Variants in GALNT17 observed in about 807,000 individuals in gnomAD.
The protein encoded by GALNT17 is UDP-GalNAc:polypeptide N-acetylgalactosaminyltransferase-like 3.
GALNT17 carries 29 observed loss-of-function variants against 63.7 expected under a neutral mutation model. The ratio of observed to expected loss-of-function variants is 0.46; its 90% CI spans 0.34 to 0.62. The LOEUF is 0.62. Ranked by LOEUF, GALNT17 falls within the 20% of genes least tolerant of loss-of-function variation. The pLI, the probability that GALNT17 is intolerant of heterozygous loss-of-function variation, is 0.01. For missense variants in GALNT17, 603 were observed against 799.6 expected, an observed-to-expected ratio of 0.75 and a Z score of 2.97; for synonymous variants, 305 against 318.3, an observed-to-expected ratio of 0.96 and a Z score of 0.45.
chr7:71,276,951 T>C (rs1213020664), intron 1 of GALNT17, among the ~76,000 whole-genome samples: 5 of 152,082 alleles, frequency 3.3e-5, no homozygotes, highest in Non-Finnish European at 7.4e-5. Flanking sequence ...TGAGCCGAGA[T>C]TGTGCCACTG....
intron 1 of GALNT17, among the ~76,000 whole-genome samples, chr7:71,313,438 A>G (rs953486073): frequency 5.3e-5 from 8 of 152,224 alleles, no homozygotes; most frequent in African/African-American, 1.9e-4. Context: ...AGAGCCAATG[A>G]AAAAGAATAA....
At chr7:71,549,162 T>C (rs1003055426) in intron 5 of GALNT17, among the ~76,000 whole-genome samples, 1 of 152,160 alleles carries the variant, frequency 6.6e-6, no homozygotes, top group African/African-American at 2.4e-5. Context: ...GAGTCGCCAG[T>C]CTTTCTGGAT....
intron 1 of GALNT17, among the ~76,000 whole-genome samples, chr7:71,145,168 C>A (rs117653898): frequency 6.6e-6 from 1 of 152,168 alleles, no homozygotes; most frequent in Non-Finnish European, 1.5e-5. Flanking sequence ...GTTCTTCAGG[C>A]CAGCCGATGT....
chr7:71,395,266 A>G (rs6964977), intron 3 of GALNT17, among the ~76,000 whole-genome samples: 18,397 of 152,132 alleles, frequency 0.12, 2,508 homozygotes, highest in African/African-American at 0.34. Context: ...TTCCTTGCCA[A>G]ATATTAATGT....
rs781500232 is a variant in GALNT17 at position 71,132,920 on chromosome 7, C to T, written c.118C>T (p.His40Tyr). 8 of 1,612,200 alleles carry T rather than the reference C, an allele frequency of 5.0e-6. 1 individual carries two copies. The South Asian group carries it at 8.8e-5, about 18-fold the overall frequency. ...PIAVRSGDAF[H>Y]EIRPRAEVAN... ...CGCGGTGCGCAGCGGAGACGCCTTC[C>T]ACGAGATCCGGCCGCGCGCCGAGGT... The change falls in exon 1 of 11, where the codon CAC (histidine) becomes TAC (tyrosine). Residue 40 changes from histidine to tyrosine, a missense_variant. Coordinates refer to ENST00000333538, the MANE Select transcript of GALNT17 (RefSeq NM_022479.3).
At chr7:71,531,809 C>G (rs1157977555) in intron 5 of GALNT17, among the ~76,000 whole-genome samples, 1 of 152,064 alleles carries the variant, frequency 6.6e-6, no homozygotes, top group African/African-American at 2.4e-5. Flanking sequence ...AAGACAGAAG[C>G]CAAGCTAGGC....
chr7:71,616,756 TA>T (rs1790210973), intron 6 of GALNT17, among the ~76,000 whole-genome samples: 2 of 43,656 alleles, frequency 4.6e-5, no homozygotes, highest in African/African-American at 9.6e-5. Flanking sequence ...ATATTATATT[TA>T]TATGTTATAT....
chr7:71,625,945 C>G (rs558064251), intron 6 of GALNT17, among the ~76,000 whole-genome samples: 85 of 151,964 alleles, frequency 5.6e-4, no homozygotes, highest in African/African-American at 2.0e-3. Flanking sequence ...CTGGTGTCCT[C>G]GTAAAAAGAA....
chr7:71,349,478 A>G (rs536400241), intron 2 of GALNT17, among the ~76,000 whole-genome samples: 63 of 152,290 alleles, frequency 4.1e-4, no homozygotes, highest in African/African-American at 1.2e-3. Flanking sequence ...GAGGGAACAT[A>G]TTTGTTCTTG....
At chr7:71,505,598 T>G (rs1165768128) in intron 5 of GALNT17, among the ~76,000 whole-genome samples, 1 of 151,830 alleles carries the variant, frequency 6.6e-6, no homozygotes, top group African/African-American at 2.4e-5. Context: ...AGATTCTGTC[T>G]CAGAAAAAGA....
intron 1 of GALNT17, among the ~76,000 whole-genome samples, chr7:71,171,051 G>C (rs1322205262): frequency 6.6e-6 from 1 of 151,976 alleles, no homozygotes; most frequent in African/African-American, 2.4e-5. Context: ...GGAAGAAACA[G>C]GACAAGGGTA....
intron 2 of GALNT17, among the ~76,000 whole-genome samples, chr7:71,344,132 C>T (rs969581754): frequency 1.2e-4 from 18 of 151,620 alleles, no homozygotes; most frequent in Non-Finnish European, 2.5e-4. Flanking sequence ...AAGACAAGGG[C>T]GTGAGCCATT....
rs1276225312 is a variant in GALNT17, at chr7:71,665,534, G to A, written c.1204G>A (p.Ala402Thr). ...FYTKRNALRVAEVWMDDYKSH... is the reference protein window; with the variant it reads ...FYTKRNALRVTEVWMDDYKSH... ...CACCAAGAGGAATGCTCTTCGCGTT[G>A]CTGAGGTCTGGATGGACGATTACAA... The change falls in exon 7 of 11, where the codon GCT (alanine) becomes ACT (threonine). Residue 402 changes from alanine to threonine, a missense_variant. Around this residue, in one of 3 missense-constraint regions of GALNT17, gnomAD observed 336 missense variants for 507.8 expected, o/e 0.66. Coordinates refer to ENST00000333538, the MANE Select transcript of GALNT17 (RefSeq NM_022479.3). 6.2e-7 allele frequency: 1 copy of A among 1,614,070 alleles called. No individual in the cohort carries two copies. Among genetic ancestry groups the A allele is most frequent in the Admixed American group, 1.7e-5 (1 of 59,986 alleles).
At chr7:71,590,037 T>TA (rs138622598) in intron 6 of GALNT17, among the ~76,000 whole-genome samples, 6,315 of 152,256 alleles carry the variant, frequency 0.041, 401 homozygotes, top group African/African-American at 0.14. Flanking sequence ...ACCATGCCCG[T>TA]ACATGTATTT....
chr7:71,222,057 G>A (rs1439745882), intron 1 of GALNT17, among the ~76,000 whole-genome samples: 2 of 151,792 alleles, frequency 1.3e-5, no homozygotes, highest in Non-Finnish European at 2.9e-5. Context: ...ACGGGCACCC[G>A]GCACCACGCC....
Position 71,337,501 on chromosome 7 carries a change from G to A in GALNT17, c.422+1768G>A, listed in dbSNP as rs1791929156. ...TAGACCCTTCCAATACTGGGTACTAGCATGTAAAAAATGCCAAACTGATAG... is the reference window on the plus strand; with the variant it reads ...TAGACCCTTCCAATACTGGGTACTAACATGTAAAAAATGCCAAACTGATAG... On this transcript the variant is annotated intron_variant, in intron 2 of 10. Coordinates refer to ENST00000333538, the MANE Select transcript of GALNT17 (RefSeq NM_022479.3). Among the ~76,000 whole-genome samples, 4 of 152,154 alleles carry A rather than the reference G, an allele frequency of 2.6e-5. No homozygotes were observed. In the South Asian group the frequency reaches 8.3e-4, roughly 32 times the overall value.
intron 1 of GALNT17, among the ~76,000 whole-genome samples, chr7:71,164,936 T>C (rs1295187705): frequency 6.6e-6 from 1 of 152,186 alleles, no homozygotes; most frequent in Non-Finnish European, 1.5e-5. Flanking sequence ...TTTTCTCTTT[T>C]TGAAATAAAC....
At chr7:71,246,128 T>G (rs906900986) in intron 1 of GALNT17, among the ~76,000 whole-genome samples, 2 of 142,014 alleles carry the variant, frequency 1.4e-5, no homozygotes, top group East Asian at 2.0e-4. Context: ...TTTTTTTTTT[T>G]TTTTTTTTTT....
At chr7:71,352,295 GT>G (rs1272441142) in intron 2 of GALNT17, among the ~76,000 whole-genome samples, 1 of 152,170 alleles carries the variant, frequency 6.6e-6, no homozygotes, top group Non-Finnish European at 1.5e-5. Context: ...GGAGCTGTGA[GT>G]CCATGAAACC....
Sources: allele counts gnomAD v4.1 joint callset (sites outside exome capture counted in the v4.1 genomes callset), GRCh38; gene constraint gnomAD v4.1.1; regional missense constraint gnomAD v4.1.1; transcripts MANE v1.5; gene names NCBI Gene and HGNC (gene_info 2026-07-23, HGNC 2026-07-21).